DNAJC1: variants seen among roughly 807,000 people sequenced by gnomAD.
The protein encoded by DNAJC1 is DnaJ heat shock protein family (Hsp40) member C1, also known as dnaJ homolog subfamily C member 1.
A neutral mutation model predicts 76.6 loss-of-function variants in DNAJC1; 58 were observed. The ratio of observed to expected loss-of-function variants is 0.76; its 90% CI spans 0.61 to 0.94. The LOEUF (loss-of-function observed/expected upper bound fraction) is 0.94, where lower values mean the gene tolerates loss of function less well. DNAJC1 is among the 40% of genes least tolerant of loss of function. The pLI, the probability that DNAJC1 is intolerant of heterozygous loss-of-function variation, is 0.00. For synonymous variants in DNAJC1, 258 were observed against 267.9 expected (o/e 0.96, Z 0.36); for missense variants, 689 against 677.3 (o/e 1.02, Z -0.19).
chr10:21,925,000 T>C (rs1230596201), intron 3 of DNAJC1, among the ~76,000 whole-genome samples: 13 of 152,270 alleles, frequency 8.5e-5, no homozygotes. Context: ...GTTGCTGTTG[T>C]TGTTGTTTTA....
intron 8 of DNAJC1, among the ~76,000 whole-genome samples, chr10:21,818,639 T>G (rs1302088382): frequency 6.6e-6 from 1 of 152,188 alleles, no homozygotes; most frequent in Non-Finnish European, 1.5e-5. Flanking sequence ...CTTTACACTT[T>G]GTACTCTGTC....
intron 1 of DNAJC1, among the ~76,000 whole-genome samples, chr10:21,987,467 T>G (rs1046255054): frequency 8.5e-5 from 13 of 152,292 alleles, no homozygotes; most frequent in East Asian, 7.7e-4. Context: ...TAAACTGTGG[T>G]CTCATCCTCA....
intron 1 of DNAJC1, among the ~76,000 whole-genome samples, chr10:21,934,285 A>G (rs1442825768): frequency 6.6e-6 from 1 of 152,034 alleles, no homozygotes; most frequent in Non-Finnish European, 1.5e-5. Flanking sequence ...ATATTTTTAT[A>G]CAGCTATATA....
chr10:21,954,507 C>T (rs976140421), intron 1 of DNAJC1, among the ~76,000 whole-genome samples: 1 of 151,984 alleles, frequency 6.6e-6, no homozygotes, highest in Non-Finnish European at 1.5e-5. Flanking sequence ...GGCAGCATCG[C>T]CCCAAACGTA....
chr10:21,853,954 C>T lies in DNAJC1; in HGVS notation c.978+28328G>A, dbSNP rs114717030. Among the ~76,000 whole-genome samples, 576 of 151,838 alleles carry T rather than the reference C, an allele frequency of 3.8e-3. 6 individuals carry two copies. Among genetic ancestry groups the T allele is most frequent in the African/African-American group, 0.014 (560 of 41,400 alleles). ...AGATACTCCCAGAAGTTTAAAATGA[C>T]GGAAATAAGATTGTCCTTTGAAAGA... is the stretch of plus-strand genomic sequence containing the variant. On this transcript the variant is annotated intron_variant, in intron 8 of 11. Coordinates refer to ENST00000376980, the MANE Select transcript of DNAJC1 (RefSeq NM_022365.4).
chr10:21,899,007 G>A (rs1170668741), intron 7 of DNAJC1, among the ~76,000 whole-genome samples: 1 of 152,140 alleles, frequency 6.6e-6, no homozygotes, highest in East Asian at 1.9e-4. Context: ...GAAAAGCGGG[G>A]TGGGGTGATG....
intron 8 of DNAJC1, among the ~76,000 whole-genome samples, chr10:21,836,206 A>G (rs1295556971): frequency 1.3e-5 from 2 of 152,224 alleles, no homozygotes; most frequent in South Asian, 2.1e-4. Flanking sequence ...TTAACCCAGA[A>G]TTTCATATCC....
chr10:21,793,142 C>T (rs998181118), intron 9 of DNAJC1, among the ~76,000 whole-genome samples: 1 of 152,014 alleles, frequency 6.6e-6, no homozygotes, highest in African/African-American at 2.4e-5. Flanking sequence ...CCTGTATCTA[C>T]TAAAAATAGA....
At chr10:21,833,808 A>T (rs1835401621) in intron 8 of DNAJC1, among the ~76,000 whole-genome samples, 1 of 152,196 alleles carries the variant, frequency 6.6e-6, no homozygotes, top group African/African-American at 2.4e-5. Flanking sequence ...GATAGATGGC[A>T]ACTGTTTTTT....
intron 1 of DNAJC1, among the ~76,000 whole-genome samples, chr10:21,930,063 C>T (rs979927766): frequency 6.6e-6 from 1 of 152,208 alleles, no homozygotes; most frequent in Admixed American, 6.5e-5. Flanking sequence ...GCAACCTCCA[C>T]CTCCTGGGTC....
intron 1 of DNAJC1, among the ~76,000 whole-genome samples, chr10:21,944,043 C>T (rs1010970246): frequency 3.3e-5 from 5 of 152,112 alleles, no homozygotes; most frequent in Admixed American, 6.5e-5. Context: ...ACCTTATATC[C>T]AGAATACTTG....
intron 9 of DNAJC1, among the ~76,000 whole-genome samples, chr10:21,790,750 T>A (rs1246550588): frequency 6.6e-6 from 1 of 151,352 alleles, no homozygotes. Context: ...AGAAAAAGGA[T>A]CAAATCTTAA....
At chr10:21,860,284 C>T (rs947713163) in intron 8 of DNAJC1, among the ~76,000 whole-genome samples, 1 of 151,690 alleles carries the variant, frequency 6.6e-6, no homozygotes, top group Non-Finnish European at 1.5e-5. Flanking sequence ...TGTTTTTTAC[C>T]ACATATTCTC....
At chr10:21,756,790 A>G in intron 11 of DNAJC1, 35 bp from the exon 12 acceptor site, 1 of 1,601,762 alleles carries the variant, frequency 6.2e-7, no homozygotes, top group Non-Finnish European at 8.5e-7. Flanking sequence ...GAGAACAGTC[A>G]CTTGCACAAG....
chr10:21,879,151 T>G (rs2079761438), intron 8 of DNAJC1, among the ~76,000 whole-genome samples: 1 of 152,130 alleles, frequency 6.6e-6, no homozygotes, highest in Non-Finnish European at 1.5e-5. Flanking sequence ...ACAATGGCAA[T>G]GTTCTAGTCA....
rs762456582 is a variant in DNAJC1, at chr10:21,766,264, G to C, written c.1144C>G (p.Pro382Ala). The change falls in exon 10 of 12, where the codon CCA becomes GCA. Residue 382 changes from proline (P) to alanine (A), a missense_variant. Transcript: ENST00000376980. ...GATAGAGGAAGTATGAACTCACCTG[G>C]GGAGCAGGTCACTGAATCCTTCAGT... Reference protein sequence around the residue: ...KQLKDSVTCSPGMVRLSELKS... With the variant: ...KQLKDSVTCSAGMVRLSELKS... 1 of 1,611,140 alleles carries C rather than the reference G, an allele frequency of 6.2e-7. No homozygotes were observed. Among genetic ancestry groups the C allele is most frequent in the Non-Finnish European group, 8.5e-7 (1 of 1,177,370 alleles).
chr10:21,762,878 T>C (rs1048407022), intron 10 of DNAJC1, among the ~76,000 whole-genome samples: 4 of 152,262 alleles, frequency 2.6e-5, no homozygotes, highest in African/African-American at 7.2e-5. Flanking sequence ...ATAGGTCACA[T>C]TGTTTTGGCC....
At chr10:21,950,724 A>G (rs1837580484) in intron 1 of DNAJC1, among the ~76,000 whole-genome samples, 1 of 152,238 alleles carries the variant, frequency 6.6e-6, no homozygotes, top group South Asian at 2.1e-4. Context: ...CACATGAATG[A>G]TAAGAAAGTG....
chr10:21,882,107 T>C (rs1003426856), intron 8 of DNAJC1, among the ~76,000 whole-genome samples, 175 bp downstream of exon 8: 2 of 152,130 alleles, frequency 1.3e-5, no homozygotes, highest in African/African-American at 4.8e-5. Context: ...TGAGCTGAGA[T>C]TGCGCCACTG....
Sources: gnomAD v4.1 joint callset for allele counts (sites outside exome capture counted in the v4.1 genomes callset) on GRCh38, gnomAD v4.1.1 for gene constraint, MANE v1.5 for transcripts, NCBI Gene and HGNC (gene_info 2026-07-23, HGNC 2026-07-21) for gene names.